The following CDC73 variants were observed in gnomAD, a reference collection of about 807,000 sequenced individuals.
CDC73 encodes cell division cycle 73.
Under a neutral mutation model 83.7 loss-of-function variants are expected in CDC73, and 21 were observed. The ratio of observed to expected loss-of-function variants is 0.25; its 90% CI spans 0.18 to 0.36. The LOEUF is 0.36. CDC73 is among the 10% of genes least tolerant of loss of function. The pLI is 1.00. For missense variants in CDC73, 342 were observed against 653.3 expected (o/e 0.52, Z 5.19); for synonymous variants, 224 against 212.9 (o/e 1.05, Z -0.45).
In CDC73 at chr1:193,218,999, G is replaced by A. The variant is rs538124935; in HGVS notation, c.1154+6522G>A. ...ACAGAATGGGAGAGAATATTTGCAA[G>A]GTATGCATCTGACAAAGATCTAATA... is the stretch of plus-strand genomic sequence containing the variant. On this transcript the variant is annotated intron_variant, in intron 13 of 16. Transcript: ENST00000367435. 3.9e-4 allele frequency among the ~76,000 whole-genome samples: 60 copies of A among 152,224 alleles called. No individual in the cohort carries two copies. The South Asian group carries it at 8.5e-3, about 22-fold the overall frequency.
chr1:193,130,369 C>T, intron 3 of CDC73, 126 bp downstream of exon 3: 1 of 724,116 alleles, frequency 1.4e-6, no homozygotes, highest in East Asian at 2.6e-5. Flanking sequence ...TCATTTTTGT[C>T]CATGTGCTCA....
In CDC73 at chr1:193,125,075, A is replaced by C. The variant is rs766421096; in HGVS notation, c.132-37A>C. 2.8e-5 allele frequency: 29 copies of C among 1,018,470 alleles called. No individual in the cohort carries two copies. The African/African-American group carries it at 4.4e-4, about 16-fold the overall frequency. 63.1% of individuals were successfully genotyped at this position (1,018,470 alleles called of 1,614,324 possible). On this transcript the variant is annotated intron_variant, in intron 1 of 16. Transcript: ENST00000367435. The stretch of plus-strand genomic sequence containing the variant: ...ATCCAGCCTGAAGAGTTGAATTAGA[A>C]TTGTCAGTAAAAAAAATCTTGCCTT...
At chr1:193,161,268 T>G (rs921770296) in intron 10 of CDC73, 1 of 175,392 alleles carries the variant, frequency 5.7e-6, no homozygotes, top group Admixed American at 6.4e-5. Context: ...CAAATCTTGC[T>G]ATTTAGAAAC....
At chr1:193,150,407 C>T (rs1676084912) in intron 9 of CDC73, 25 bp downstream of exon 9, 1 of 1,489,092 alleles carries the variant, frequency 6.7e-7, no homozygotes, top group Non-Finnish European at 9.4e-7. Context: ...TCTTATCTTC[C>T]CCTTAGTGTG....
At chr1:193,245,428 A>G (rs957425819) in intron 15 of CDC73, among the ~76,000 whole-genome samples, 8 of 152,042 alleles carry the variant, frequency 5.3e-5, no homozygotes, top group African/African-American at 9.7e-5. Context: ...CTCCATTTCC[A>G]TCTATGTTGC....
chr1:193,195,965 T>C (rs1676997487), intron 10 of CDC73, among the ~76,000 whole-genome samples: 1 of 152,198 alleles, frequency 6.6e-6, no homozygotes, highest in Non-Finnish European at 1.5e-5. Flanking sequence ...CTTTTCACTG[T>C]GTTGATATCC....
intron 13 of CDC73, among the ~76,000 whole-genome samples, chr1:193,228,687 C>T (rs995942256): frequency 6.6e-6 from 1 of 152,038 alleles, no homozygotes; most frequent in African/African-American, 2.4e-5. Context: ...GTAGATTGTA[C>T]ACACAAACTT....
chr1:193,184,793 G>A (rs1676777308), intron 10 of CDC73, among the ~76,000 whole-genome samples: 1 of 151,946 alleles, frequency 6.6e-6, no homozygotes, highest in African/African-American at 2.4e-5. Flanking sequence ...ATTCATGGGT[G>A]AGAGTGATGT....
intron 13 of CDC73, among the ~76,000 whole-genome samples, chr1:193,218,267 CACAA>C (rs1321587625): frequency 1.3e-5 from 2 of 152,094 alleles, no homozygotes; most frequent in African/African-American, 4.8e-5. Flanking sequence ...TTAGAGAAGA[CACAA>C]ACAAATCGAA....
intron 13 of CDC73, among the ~76,000 whole-genome samples, chr1:193,218,367 TC>T (rs1443856696): frequency 6.6e-6 from 1 of 152,244 alleles, no homozygotes; most frequent in Non-Finnish European, 1.5e-5. Context: ...TCACTGCTAT[TC>T]CTAGCAAACT....
intron 13 of CDC73, among the ~76,000 whole-genome samples, chr1:193,216,682 A>T (rs1187023841): frequency 6.6e-6 from 1 of 152,190 alleles, no homozygotes; most frequent in African/African-American, 2.4e-5. Flanking sequence ...TGATGAGCAC[A>T]GATGCAAAAA....
intron 10 of CDC73, among the ~76,000 whole-genome samples, chr1:193,155,451 A>T (rs548428819): frequency 7.2e-5 from 11 of 152,270 alleles, no homozygotes; most frequent in African/African-American, 2.6e-4. Context: ...CTTTTCCCCC[A>T]AATTTGTTGC....
intron 8 of CDC73, among the ~76,000 whole-genome samples, 159 bp from the exon 9 acceptor site, chr1:193,150,145 C>G (rs1255273992): frequency 6.6e-6 from 1 of 151,892 alleles, no homozygotes; most frequent in East Asian, 1.9e-4. Flanking sequence ...GTGGTGCATG[C>G]CTGTGGTCCC....
At chr1:193,155,160 G>A (rs1226314081) in intron 10 of CDC73, among the ~76,000 whole-genome samples, 2 of 152,118 alleles carry the variant, frequency 1.3e-5, no homozygotes, top group African/African-American at 4.8e-5. Context: ...TTGTAGAGAA[G>A]GATATGTTTT....
chr1:193,246,394 T>G (rs935132537), intron 15 of CDC73, among the ~76,000 whole-genome samples: 1 of 152,092 alleles, frequency 6.6e-6, no homozygotes, highest in African/African-American at 2.4e-5. Flanking sequence ...GTTAAATTGT[T>G]CTTGTTTGCA....
intron 13 of CDC73, among the ~76,000 whole-genome samples, chr1:193,224,142 C>T (rs1217975964): frequency 1.3e-5 from 2 of 151,918 alleles, no homozygotes; most frequent in African/African-American, 2.4e-5. Flanking sequence ...CTTCTATCTC[C>T]TCCACTCCCC....
chr1:193,251,830 C>G lies in CDC73; in HGVS notation c.*1118C>G. ...CATCAAGTGACCATTTGCCTTGAAC[C>G]TTGATTTCACTTTGTTTTTTTTTTT... On this transcript the variant is annotated 3_prime_UTR_variant, in exon 17 of 17. Transcript: ENST00000367435. 4.3e-6 allele frequency: 1 copy of G among 230,774 alleles called. No individual in the cohort carries two copies. 14.3% of individuals were successfully genotyped at this position (230,774 alleles called of 1,614,324 possible).
chr1:193,169,227 A>C (rs956978289), intron 10 of CDC73, among the ~76,000 whole-genome samples: 1 of 152,222 alleles, frequency 6.6e-6, no homozygotes, highest in Admixed American at 6.5e-5. Flanking sequence ...GCATTAAGTA[A>C]AAATATGAAC....
intron 11 of CDC73, among the ~76,000 whole-genome samples, chr1:193,207,584 A>C (rs547388466): frequency 3.3e-5 from 5 of 152,252 alleles, no homozygotes; most frequent in East Asian, 1.9e-4. Flanking sequence ...ATTCAGCGAT[A>C]TCTCTCTTAC....
Sources: gnomAD v4.1 joint callset for allele counts (sites outside exome capture counted in the v4.1 genomes callset) on GRCh38, gnomAD v4.1.1 for gene constraint, MANE v1.5 for transcripts, NCBI Gene and HGNC (gene_info 2026-07-23, HGNC 2026-07-21) for gene names.